WWOX: variants seen among roughly 807,000 people sequenced by gnomAD.
WWOX encodes the protein WW domain containing oxidoreductase, also known as WW domain-containing oxidoreductase.
A neutral mutation model predicts 46.2 loss-of-function variants in WWOX; 69 were observed. The observed-to-expected ratio is 1.49, with a 90% confidence interval of 1.23 to 1.82. The LOEUF (loss-of-function observed/expected upper bound fraction) is 1.82. WWOX is among the 40% of genes most tolerant of loss of function. WWOX has a pLI of 0.00. For missense variants in WWOX, 919 were observed against 542.6 expected (o/e 1.69, Z -6.89); for synonymous variants, 359 against 202.6 (o/e 1.77, Z -6.56).
chr16:78,824,717 C>T (rs867913239), intron 8 of WWOX, among the ~76,000 whole-genome samples: 6 of 152,052 alleles, frequency 3.9e-5, no homozygotes, highest in Middle Eastern at 3.2e-3. Flanking sequence ...TTCACTATCA[C>T]GAGGATAGCG....
At chr16:79,142,588 T>C (rs1038887532) in intron 8 of WWOX, among the ~76,000 whole-genome samples, 1 of 152,254 alleles carries the variant, frequency 6.6e-6, no homozygotes, top group Non-Finnish European at 1.5e-5. Flanking sequence ...ATTTCAGTTG[T>C]AGCATGAAAA....
chr16:78,308,042 C>G (rs1453636281), intron 5 of WWOX, among the ~76,000 whole-genome samples: 5 of 151,390 alleles, frequency 3.3e-5, no homozygotes, highest in African/African-American at 1.2e-4. Flanking sequence ...AGTTAACCTT[C>G]CCATGGTGCC....
intron 5 of WWOX, chr16:78,241,265 G>GCAT (rs1815668928): frequency 6.6e-6 from 1 of 151,026 alleles, no homozygotes; most frequent in African/African-American, 2.5e-5. Context: ...GTAAATGTCA[G>GCAT]CATCTATTAT....
intron 5 of WWOX, among the ~76,000 whole-genome samples, chr16:78,194,838 G>A (rs1255470763): frequency 6.6e-6 from 1 of 151,928 alleles, no homozygotes; most frequent in Non-Finnish European, 1.5e-5. Flanking sequence ...TTTATTCTTA[G>A]CACTTAGAAC....
Position 78,099,884 on chromosome 16 carries a change from A to G in WWOX, c.106A>G (p.Asn36Asp), listed in dbSNP as rs1385155926. The change falls in exon 1 of 9, where the codon AAT (asparagine) becomes GAT (aspartate). Residue 36 changes from asparagine to aspartate, a missense_variant and splice_region_variant. Physicochemically the swap from Asn to Asp is conservative, Grantham distance 23 (BLOSUM62 1). Transcript: ENST00000566780. ...TTKDGWVYYA[N>D]HTEEKTQWEH... Reference sequence around the variant, plus strand: ...CAAGGACGGCTGGGTTTACTACGCCAAGTAAGGGGGCCGCAGTGGGGCCGC... The same window carrying G: ...CAAGGACGGCTGGGTTTACTACGCCGAGTAAGGGGGCCGCAGTGGGGCCGC... The G allele has an allele frequency of 1.9e-6, 3 of 1,562,788 alleles. No homozygotes were observed. The Admixed American group carries it at 5.7e-5, about 30-fold the overall frequency.
chr16:78,512,677 C>G lies in WWOX; in HGVS notation c.1056+79925C>G, dbSNP rs553506562. The stretch of plus-strand genomic sequence containing the variant: ...TGGGACTTCAATGAGACTCATTTCG[C>G]AGGTTTTCATGTTATTATGTATATG... On this transcript the variant is annotated intron_variant, in intron 8 of 8. Transcript: ENST00000566780. Among the ~76,000 whole-genome samples the G allele has an allele frequency of 7.9e-5, 12 of 152,216 alleles. No individual in the cohort carries two copies. In the South Asian group the frequency reaches 2.5e-3, roughly 32 times the overall value.
intron 8 of WWOX, among the ~76,000 whole-genome samples, chr16:78,668,494 G>A (rs976252151): frequency 1.3e-5 from 2 of 152,114 alleles, no homozygotes; most frequent in African/African-American, 4.8e-5. Context: ...CTCTGGGCTA[G>A]GCCCTGGGAA....
chr16:78,995,826 G>A (rs529151566), intron 8 of WWOX, among the ~76,000 whole-genome samples: 116 of 152,278 alleles, frequency 7.6e-4, no homozygotes, highest in Non-Finnish European at 1.4e-3. Context: ...AAGGAGACCC[G>A]AGGTGGCCTG....
At chr16:78,597,873 T>C (rs2045528208) in intron 8 of WWOX, among the ~76,000 whole-genome samples, 1 of 151,976 alleles carries the variant, frequency 6.6e-6, no homozygotes, top group Admixed American at 6.6e-5. Flanking sequence ...TTTATTCCCC[T>C]CGTCAGCATA....
chr16:78,502,318 C>T (rs1022542778), intron 8 of WWOX, among the ~76,000 whole-genome samples: 2 of 152,138 alleles, frequency 1.3e-5, no homozygotes, highest in Non-Finnish European at 2.9e-5. Context: ...AAGAAAATGA[C>T]CCCTTAGTCA....
chr16:78,907,767 C>CA, intron 8 of WWOX, among the ~76,000 whole-genome samples: 1 of 152,262 alleles, frequency 6.6e-6, no homozygotes, highest in African/African-American at 2.4e-5. Flanking sequence ...GAGGAGATCC[C>CA]ATTTCAACAG....
chr16:78,450,641 T>C (rs1459648764), intron 8 of WWOX, among the ~76,000 whole-genome samples: 1 of 152,208 alleles, frequency 6.6e-6, no homozygotes. Context: ...ATTTTAATAT[T>C]TCTAGGCAGG....
chr16:78,616,016 C>T (rs1383046901), intron 8 of WWOX, among the ~76,000 whole-genome samples: 2 of 152,244 alleles, frequency 1.3e-5, no homozygotes, highest in East Asian at 3.9e-4. Flanking sequence ...TCCCAAAGTG[C>T]TGGGATTACA....
chr16:78,399,533 C>T lies in WWOX; in HGVS notation c.605+12585C>T, dbSNP rs138370512. 8.1e-4 allele frequency among the ~76,000 whole-genome samples: 124 copies of T among 152,274 alleles called. 1 individual carries two copies. Among genetic ancestry groups the T allele is most frequent in the African/African-American group, 2.8e-3 (115 of 41,546 alleles). ...TTGTTGGGTTGAACAGGGAGCGACACCTCTCAGCCCAGTCTATCAAGCCTG... is the reference window on the plus strand; with the variant it reads ...TTGTTGGGTTGAACAGGGAGCGACATCTCTCAGCCCAGTCTATCAAGCCTG... On this transcript the variant is annotated intron_variant, in intron 6 of 8. Coordinates refer to ENST00000566780, the MANE Select transcript of WWOX (RefSeq NM_016373.4).
At chr16:79,173,253 G>T (rs960878768) in intron 8 of WWOX, among the ~76,000 whole-genome samples, 3 of 151,840 alleles carry the variant, frequency 2.0e-5, no homozygotes, top group African/African-American at 7.3e-5. Flanking sequence ...GTGTGAGAGT[G>T]GCACATTCCA....
intron 8 of WWOX, among the ~76,000 whole-genome samples, chr16:78,604,824 C>T (rs1316750014): frequency 0.011 from 13 of 1,168 alleles, 5 homozygotes; most frequent in African/African-American, 0.033. Flanking sequence ...TCCTTCCCTT[C>T]CTCCCTCCCT....
rs80334596 is a variant in WWOX, at chr16:79,014,950, T to A, written c.1057-196658T>A. On this transcript the variant is annotated intron_variant, in intron 8 of 8. Transcript: ENST00000566780. ...GAAGGACTAGGAATGCTCTGTGATA[T>A]GTAGGAGAAGGATGTATCCACTGGG... is the stretch of plus-strand genomic sequence containing the variant. Among the ~76,000 whole-genome samples the A allele has an allele frequency of 9.6e-3, 1,465 of 152,300 alleles. 28 individuals carry two copies. Among genetic ancestry groups the A allele is most frequent in the African/African-American group, 0.031 (1,306 of 41,556 alleles).
intron 8 of WWOX, among the ~76,000 whole-genome samples, chr16:78,683,250 C>A (rs1045977753): frequency 6.6e-6 from 1 of 151,898 alleles, no homozygotes; most frequent in Non-Finnish European, 1.5e-5. Flanking sequence ...GTGGCTCACA[C>A]TTGTAATCTT....
chr16:78,632,367 T>G (rs972227793), intron 8 of WWOX, among the ~76,000 whole-genome samples: 23 of 152,028 alleles, frequency 1.5e-4, no homozygotes, highest in Non-Finnish European at 3.1e-4. Flanking sequence ...TCAGAGTCAT[T>G]ATTGAGTTAT....
Sources: gnomAD v4.1 joint callset for allele counts (sites outside exome capture counted in the v4.1 genomes callset) on GRCh38, gnomAD v4.1.1 for gene constraint, MANE v1.5 for transcripts, NCBI Gene and HGNC (gene_info 2026-07-23, HGNC 2026-07-21) for gene names.